Variants in CCDC102B observed in about 807,000 individuals in gnomAD.
The protein encoded by CCDC102B is coiled-coil domain-containing protein 102B.
A neutral mutation model predicts 57.4 loss-of-function variants in CCDC102B; 75 were observed. The observed-to-expected ratio is 1.31, with a 90% confidence interval of 1.08 to 1.58. The LOEUF (loss-of-function observed/expected upper bound fraction) is 1.58, where lower values mean the gene tolerates loss of function less well. CCDC102B is among the 40% of genes most tolerant of loss of function. The pLI is 0.00. For synonymous variants in CCDC102B, 206 were observed against 201.9 expected, an observed-to-expected ratio of 1.02 and a Z score of -0.17; for missense variants, 636 against 582.6, an observed-to-expected ratio of 1.09 and a Z score of -0.94.
chr18:68,980,175 A>T (rs1210436519), intron 6 of CCDC102B, among the ~76,000 whole-genome samples: 2 of 151,408 alleles, frequency 1.3e-5, no homozygotes, highest in Non-Finnish European at 2.9e-5. Flanking sequence ...AGGGAGTAGA[A>T]CCCTTGTGAG....
chr18:68,851,388 A>G (rs1408144495), intron 4 of CCDC102B, among the ~76,000 whole-genome samples: 1 of 152,214 alleles, frequency 6.6e-6, no homozygotes, highest in African/African-American at 2.4e-5. Context: ...TGAGGCAGAT[A>G]AAACACCATA....
chr18:68,776,817 TA>T (rs1409532878), intron 2 of CCDC102B, among the ~76,000 whole-genome samples: 1 of 152,164 alleles, frequency 6.6e-6, no homozygotes, highest in Non-Finnish European at 1.5e-5. Flanking sequence ...ACTTTAAAGT[TA>T]AAAAAAGACT....
chr18:68,826,777 G>A (rs770054065), intron 1 of CCDC102B, among the ~76,000 whole-genome samples: 1 of 152,142 alleles, frequency 6.6e-6, no homozygotes, highest in Non-Finnish European at 1.5e-5. Flanking sequence ...AAGGTTTGAA[G>A]TCATGACCGT....
chr18:68,996,731 G>C (rs759388710), intron 6 of CCDC102B, among the ~76,000 whole-genome samples: 30 of 152,150 alleles, frequency 2.0e-4, no homozygotes, highest in Admixed American at 3.3e-4. Context: ...AGGCAGAAAT[G>C]ACTTGCTTTA....
Position 69,054,239 on chromosome 18 carries a change from T to A in CCDC102B, c.*102T>A. On this transcript the variant is annotated 3_prime_UTR_variant, in exon 8 of 8. Coordinates refer to ENST00000360242, the MANE Select transcript of CCDC102B (RefSeq NM_024781.3). ...AATTGTTTTTATTAACTAGAAATAT[T>A]AATGAAAAAAACGTAGACAATACAC... The A allele has an allele frequency of 1.4e-6, 2 of 1,381,512 alleles. No homozygotes were observed. Among genetic ancestry groups the A allele is most frequent in the Middle Eastern group, 2.5e-4 (1 of 3,946 alleles). 85.6% of individuals were successfully genotyped at this position (1,381,512 alleles called of 1,614,324 possible).
At chr18:68,738,993 C>CTTTTTTTTTTTTTTTTTTTTTTTTT (rs201214278) in intron 2 of CCDC102B, among the ~76,000 whole-genome samples, 62 of 145,022 alleles carry the variant, frequency 4.3e-4, no homozygotes, top group South Asian at 2.9e-3. Flanking sequence ...GATGAGCAGC[C>CTTTTTTTTTTTTTTTTTTTTTTTTT]TTTTGTTTTT....
At chr18:68,945,312 T>C (rs760089139) in intron 6 of CCDC102B, among the ~76,000 whole-genome samples, 1 of 152,126 alleles carries the variant, frequency 6.6e-6, no homozygotes, top group Non-Finnish European at 1.5e-5. Context: ...CAATGAATCA[T>C]CTGCATTGTA....
At chr18:68,999,416 G>A (rs1254986636) in intron 6 of CCDC102B, among the ~76,000 whole-genome samples, 1 of 149,662 alleles carries the variant, frequency 6.7e-6, no homozygotes, top group East Asian at 2.0e-4. Flanking sequence ...GGCCAACACA[G>A]TGAAACCCAG....
chr18:68,911,751 CAAAAAAA>C (rs74175338), intron 6 of CCDC102B, among the ~76,000 whole-genome samples: 32 of 18,008 alleles, frequency 1.8e-3, no homozygotes, highest in African/African-American at 4.9e-3. Context: ...GACTCCGTCT[CAAAAAAA>C]AAAAAAAAAA....
At chr18:68,901,910 C>G (rs1159003777) in intron 6 of CCDC102B, among the ~76,000 whole-genome samples, 2 of 152,074 alleles carry the variant, frequency 1.3e-5, no homozygotes, top group African/African-American at 2.4e-5. Flanking sequence ...GGAAAACTTC[C>G]TACTGTCGAT....
chr18:68,828,307 T>A (rs1599526934), intron 1 of CCDC102B, among the ~76,000 whole-genome samples: 1 of 99,522 alleles, frequency 1.0e-5, no homozygotes, highest in Non-Finnish European at 1.8e-5. Flanking sequence ...TTCACCAAGG[T>A]ACATACCCTA....
At chr18:68,834,830 A>G (rs948694861) in intron 1 of CCDC102B, among the ~76,000 whole-genome samples, 1 of 151,950 alleles carries the variant, frequency 6.6e-6, no homozygotes, top group Non-Finnish European at 1.5e-5. Context: ...CCAATGATTA[A>G]AGGCTTATTT....
intron 7 of CCDC102B, among the ~76,000 whole-genome samples, chr18:69,029,266 A>G (rs2052075071): frequency 6.6e-6 from 1 of 152,168 alleles, no homozygotes; most frequent in South Asian, 2.1e-4. Context: ...TTTTTTATCA[A>G]CAGGTCAAAT....
At chr18:68,811,628 A>T (rs1428138803) in intron 1 of CCDC102B, among the ~76,000 whole-genome samples, 3 of 152,180 alleles carry the variant, frequency 2.0e-5, no homozygotes, top group African/African-American at 4.8e-5. Flanking sequence ...AAACAAACAA[A>T]CAAAAAACAT....
At chr18:68,798,689 C>T (rs1412145393) in intron 1 of CCDC102B, among the ~76,000 whole-genome samples, 1 of 152,020 alleles carries the variant, frequency 6.6e-6, no homozygotes, top group African/African-American at 2.4e-5. Flanking sequence ...AAGTATATTT[C>T]AAACTTAGCA....
intron 2 of CCDC102B, among the ~76,000 whole-genome samples, chr18:68,783,939 C>G (rs1254707305): frequency 1.3e-5 from 2 of 152,108 alleles, no homozygotes; most frequent in Non-Finnish European, 2.9e-5. Flanking sequence ...AGACTAAACT[C>G]CATGTTTTAC....
chr18:68,932,696 C>T (rs757378428), intron 6 of CCDC102B, among the ~76,000 whole-genome samples: 4 of 151,792 alleles, frequency 2.6e-5, no homozygotes, highest in African/African-American at 9.7e-5. Flanking sequence ...AACAAAACAC[C>T]GTTATGACAG....
At chr18:68,944,220 A>G (rs2049468194) in intron 6 of CCDC102B, among the ~76,000 whole-genome samples, 1 of 152,126 alleles carries the variant, frequency 6.6e-6, no homozygotes, top group Admixed American at 6.6e-5. Context: ...CCCAGCCAAG[A>G]GAAAGTCTTA....
intron 7 of CCDC102B, 43 bp from the exon 8 acceptor site, chr18:69,053,987 G>A: frequency 6.7e-7 from 1 of 1,502,150 alleles, no homozygotes; most frequent in Non-Finnish European, 9.1e-7. Context: ...ATGTACTATA[G>A]AACACTTGAA....
Sources: gnomAD v4.1 joint callset for allele counts (sites outside exome capture counted in the v4.1 genomes callset) on GRCh38, gnomAD v4.1.1 for gene constraint, MANE v1.5 for transcripts, NCBI Gene and HGNC (gene_info 2026-07-23, HGNC 2026-07-21) for gene names.